Variants in FARS2 observed in about 807,000 individuals in gnomAD.
FARS2 encodes phenylalanine--tRNA ligase, mitochondrial.
FARS2 carries 40 observed loss-of-function variants against 46.4 expected under a neutral mutation model. The observed-to-expected ratio is 0.86, with a 90% CI of 0.67 to 1.12. The LOEUF is 1.12. FARS2 is among the 50% of genes most tolerant of loss of function. The pLI, the probability that FARS2 is intolerant of heterozygous loss-of-function variation, is 0.00. For synonymous variants in FARS2, 234 were observed against 214.9 expected (o/e 1.09, Z -0.78); for missense variants, 513 against 567.9 (o/e 0.90, Z 0.98).
chr6:5,751,321 G>A (rs997409338), intron 6 of FARS2, among the ~76,000 whole-genome samples: 4 of 152,066 alleles, frequency 2.6e-5, no homozygotes, highest in African/African-American at 9.7e-5. Flanking sequence ...TTGGGTTTAG[G>A]TGCTGTTATC....
At chr6:5,260,794 C>A, upstream of FARS2, 1 of 1,534,054 alleles carries the variant, frequency 6.5e-7, no homozygotes, top group South Asian at 1.2e-5. Flanking sequence ...CGACCCAACC[C>A]ACGAAACTCC....
intron 6 of FARS2, among the ~76,000 whole-genome samples, chr6:5,623,671 C>T (rs1414939106): frequency 6.6e-6 from 1 of 150,958 alleles, no homozygotes; most frequent in Non-Finnish European, 1.5e-5. Context: ...TAGATCATGC[C>T]ACTACACTCC....
chr6:5,758,498 T>C (rs1762323319), intron 6 of FARS2, among the ~76,000 whole-genome samples: 1 of 152,216 alleles, frequency 6.6e-6, no homozygotes, highest in East Asian at 1.9e-4. Context: ...TACCTAGGCT[T>C]AGAGCCGTGA....
chr6:5,727,904 G>A lies in FARS2; in HGVS notation c.1218-43387G>A, dbSNP rs755601948. 7.2e-5 allele frequency among the ~76,000 whole-genome samples: 11 copies of A among 152,222 alleles called. No individual in the cohort carries two copies. The highest frequency in any genetic ancestry group is 1.2e-4 in the Non-Finnish European group (8 of 68,032). ...TCAAGGCAAAGGTTGAGTTGCCCGT[G>A]CAGCTGGGAGGGCCACCAGGTGAAT... On this transcript the variant is annotated intron_variant, in intron 6 of 6. Transcript: ENST00000274680. This position sits in a 1 kb window ranked among gnomAD's most constrained non-coding sequence, Gnocchi z 4.1.
At chr6:5,434,215 G>A (rs1016726574) in intron 4 of FARS2, among the ~76,000 whole-genome samples, 1 of 152,096 alleles carries the variant, frequency 6.6e-6, no homozygotes, top group Non-Finnish European at 1.5e-5. Context: ...GGGTTCAAGC[G>A]ATTCTTGTGC....
chr6:5,261,024 C>G, upstream of FARS2: 1 of 995,252 alleles, frequency 1.0e-6, no homozygotes, highest in Non-Finnish European at 1.2e-6. Context: ...CCCGGAGGCT[C>G]GGGACCCAGC....
intron 6 of FARS2, among the ~76,000 whole-genome samples, chr6:5,688,818 A>C (rs903139017): frequency 2.6e-5 from 4 of 152,190 alleles, no homozygotes; most frequent in Admixed American, 6.5e-5. Context: ...TCGGCTGTGA[A>C]TCCATCTGGT....
chr6:5,513,631 G>A (rs1421701969), intron 4 of FARS2, among the ~76,000 whole-genome samples: 2 of 152,320 alleles, frequency 1.3e-5, no homozygotes, highest in Non-Finnish European at 2.9e-5. Context: ...GTGGCCTTCT[G>A]TTCCTGAGCC....
chr6:5,264,955 G>A (rs1200405454), intron 1 of FARS2, among the ~76,000 whole-genome samples: 1 of 148,512 alleles, frequency 6.7e-6, no homozygotes, highest in Admixed American at 7.0e-5. Flanking sequence ...CACCATGCCT[G>A]GCAGATTTTT....
At position 5,347,865 on chromosome 6, in the gene FARS2, A is replaced by G. The variant is rs1452871752; in HGVS notation, c.-21-20685A>G. Among the ~76,000 whole-genome samples the G allele has an allele frequency of 2.6e-5, 4 of 152,190 alleles. 1 individual carries two copies. The highest frequency in any genetic ancestry group is 5.9e-5 in the Non-Finnish European group (4 of 68,044). On this transcript the variant is annotated intron_variant, in intron 1 of 6. Coordinates refer to ENST00000274680, the MANE Select transcript of FARS2 (RefSeq NM_006567.5). ...CTACTGGAACAACAACAAGAACAAT[A>G]ATAATAATGATGGTGATAACTAATA...
chr6:5,609,715 G>C lies in FARS2; in HGVS notation c.1066-3454G>C, dbSNP rs752324220. On this transcript the variant is annotated intron_variant, in intron 5 of 6. Coordinates refer to ENST00000274680, the MANE Select transcript of FARS2 (RefSeq NM_006567.5). The stretch of plus-strand genomic sequence containing the variant: ...ATTTCTGAATGACAGTCTTATCCAC[G>C]GAGTCATGGTCGTCAAAAGTTACAA... 3 of 1,473,726 alleles carry C rather than the reference G, an allele frequency of 2.0e-6. No homozygotes were observed. In the East Asian group the frequency reaches 6.8e-5, roughly 33 times the overall value. 91.3% of individuals were successfully genotyped at this position (1,473,726 alleles called of 1,614,324 possible). A position where few individuals can be genotyped will look rare whatever the true frequency, so the allele number is the denominator to read the frequency against.
chr6:5,393,553 G>A (rs1760713381), intron 2 of FARS2, among the ~76,000 whole-genome samples: 1 of 152,100 alleles, frequency 6.6e-6, no homozygotes, highest in South Asian at 2.1e-4. Flanking sequence ...AGCTACTTGG[G>A]AGGCTGAGGC....
intron 2 of FARS2, among the ~76,000 whole-genome samples, chr6:5,379,336 G>A (rs1759601216): frequency 6.6e-6 from 1 of 152,162 alleles, no homozygotes; most frequent in African/African-American, 2.4e-5. Flanking sequence ...GAGCACATGT[G>A]TCTGTTAGGG....
intron 5 of FARS2, among the ~76,000 whole-genome samples, chr6:5,552,526 T>C (rs1771429522): frequency 6.6e-6 from 1 of 152,240 alleles, no homozygotes; most frequent in Admixed American, 6.5e-5. Flanking sequence ...TACATTTTTC[T>C]GTCCAGCTGT....
intron 5 of FARS2, among the ~76,000 whole-genome samples, chr6:5,600,573 TAAAAG>T (rs139425968): frequency 0.035 from 5,031 of 143,232 alleles, 125 homozygotes; most frequent in Middle Eastern, 0.086. Context: ...TAGATGGAAT[TAAAAG>T]TAAGGGCCAT....
the FARS2 span, among the ~76,000 whole-genome samples, chr6:5,252,819 T>C: frequency 6.6e-6 from 1 of 151,934 alleles, no homozygotes; most frequent in Non-Finnish European, 1.5e-5. Context: ...CCATCAGGCA[T>C]AAGCATGAGA....
chr6:5,380,905 T>C (rs1166601257), intron 2 of FARS2, among the ~76,000 whole-genome samples: 1 of 152,052 alleles, frequency 6.6e-6, no homozygotes, highest in East Asian at 1.9e-4. Context: ...TCTTTAGCTG[T>C]ATATTTTAGT....
intron 5 of FARS2, among the ~76,000 whole-genome samples, chr6:5,554,861 C>G (rs1771567961): frequency 6.6e-6 from 1 of 151,550 alleles, no homozygotes; most frequent in African/African-American, 2.4e-5. Flanking sequence ...TTACTGTTGC[C>G]TATACCAAGC....
chr6:5,662,491 C>T (rs984746908), intron 6 of FARS2, among the ~76,000 whole-genome samples: 2 of 152,172 alleles, frequency 1.3e-5, no homozygotes, highest in Admixed American at 1.3e-4. Context: ...TTGGAAGGAG[C>T]CTCCCCTGAT....
Sources: gnomAD v4.1 joint callset for allele counts (sites outside exome capture counted in the v4.1 genomes callset) on GRCh38, gnomAD v4.1.1 for gene constraint, Gnocchi (gnomAD v3.1) non-coding constraint, MANE v1.5 for transcripts, NCBI Gene and HGNC (gene_info 2026-07-23, HGNC 2026-07-21) for gene names.